Variants in LYPLA1 observed in about 807,000 individuals in gnomAD.
LYPLA1 encodes lysophospholipase 1, also known as acyl-protein thioesterase 1.
Under a neutral mutation model 34.0 loss-of-function variants are expected in LYPLA1, and 17 were observed. The ratio of observed to expected loss-of-function variants is 0.50; its 90% CI spans 0.34 to 0.75. The LOEUF is 0.75. LYPLA1 is among the 30% of genes least tolerant of loss of function. The probability of loss-of-function intolerance (pLI) is 0.01; values close to 1 mark genes in which losing one functional copy is unlikely to be tolerated. For synonymous variants in LYPLA1, 98 were observed against 100.8 expected, an observed-to-expected ratio of 0.97 and a Z score of 0.17; for missense variants, 203 against 288.8, an observed-to-expected ratio of 0.70 and a Z score of 2.15.
chr8:54,068,352 T>C (rs1455869945), intron 2 of LYPLA1, among the ~76,000 whole-genome samples: 1 of 152,160 alleles, frequency 6.6e-6, no homozygotes, highest in Non-Finnish European at 1.5e-5. Context: ...ACTTTGCACA[T>C]ATTAGAACCC....
rs373529521 is a variant in LYPLA1 at position 54,090,898 on chromosome 8, G to A, written c.101+10010C>T. ...AGTTTTATAAGGGGCCTCCCCCTTC[G>A]CTCAGCTCTCATTTCTCTCTCCTGC... is the stretch of plus-strand genomic sequence containing the variant. On this transcript the variant is annotated intron_variant, in intron 2 of 8. Coordinates refer to ENST00000316963, the MANE Select transcript of LYPLA1 (RefSeq NM_006330.4). Among the ~76,000 whole-genome samples, 31 of 152,118 alleles carry A rather than the reference G, an allele frequency of 2.0e-4. 1 individual carries two copies. Among genetic ancestry groups the A allele is most frequent in the Admixed American group, 9.2e-4 (14 of 15,268 alleles).
At chr8:54,062,807 C>T (rs528683377) in intron 4 of LYPLA1, among the ~76,000 whole-genome samples, 96 of 152,256 alleles carry the variant, frequency 6.3e-4, no homozygotes, top group African/African-American at 2.2e-3. Context: ...CCACCATGCC[C>T]GGCTAAAGTC....
chr8:54,063,295 A>G (rs1214840539), intron 4 of LYPLA1, 33 bp downstream of exon 4: 15 of 1,280,258 alleles, frequency 1.2e-5, no homozygotes, highest in Non-Finnish European at 1.6e-5. Context: ...AAGTAATATA[A>G]TGTTCTTATT....
At position 54,087,911 on chromosome 8, in the gene LYPLA1, A is replaced by C. The variant is rs976521610; in HGVS notation, c.101+12997T>G. On this transcript the variant is annotated intron_variant, in intron 2 of 8. Coordinates refer to ENST00000316963, the MANE Select transcript of LYPLA1 (RefSeq NM_006330.4). ...GAACAAAGGAGACAGAGTCATTTATAATCTGACAAGTCCACCCTACTGCTG... is the reference window on the plus strand; with the variant it reads ...GAACAAAGGAGACAGAGTCATTTATCATCTGACAAGTCCACCCTACTGCTG... Among the ~76,000 whole-genome samples the C allele has an allele frequency of 3.9e-5, 6 of 152,356 alleles. No individual in the cohort carries two copies. In the East Asian group the frequency reaches 1.2e-3, roughly 29 times the overall value.
chr8:54,076,003 C>T (rs932519410), intron 2 of LYPLA1, among the ~76,000 whole-genome samples: 2 of 152,170 alleles, frequency 1.3e-5, no homozygotes, highest in African/African-American at 4.8e-5. Context: ...TTCAGGTGAT[C>T]TGAACAAAAC....
chr8:54,079,737 G>A (rs1007047592), intron 2 of LYPLA1, among the ~76,000 whole-genome samples: 18 of 152,164 alleles, frequency 1.2e-4, no homozygotes, highest in African/African-American at 4.3e-4. Flanking sequence ...GGAGGGTGCG[G>A]TAAACGGAGA....
At chr8:54,090,752 G>A (rs964826078) in intron 2 of LYPLA1, among the ~76,000 whole-genome samples, 1 of 152,168 alleles carries the variant, frequency 6.6e-6, no homozygotes, top group African/African-American at 2.4e-5. Flanking sequence ...TGCATTGCGG[G>A]CTGCTGGCCA....
chr8:54,084,792 G>C (rs1331548050), intron 2 of LYPLA1, among the ~76,000 whole-genome samples: 1 of 152,152 alleles, frequency 6.6e-6, no homozygotes, highest in African/African-American at 2.4e-5. Flanking sequence ...AGATAACCTA[G>C]ACTAAATAGA....
chr8:54,097,867 T>A (rs1028934230), intron 2 of LYPLA1, among the ~76,000 whole-genome samples: 1 of 152,228 alleles, frequency 6.6e-6, no homozygotes, highest in Non-Finnish European at 1.5e-5. Flanking sequence ...TATAACAATA[T>A]GACAACATCA....
intron 5 of LYPLA1, among the ~76,000 whole-genome samples, chr8:54,058,417 G>A (rs1488917617): frequency 6.6e-6 from 1 of 152,078 alleles, no homozygotes; most frequent in East Asian, 1.9e-4. Flanking sequence ...GGTGGCACAG[G>A]CCTGTAGTCC....
intron 2 of LYPLA1, chr8:54,073,189 C>G: frequency 1.3e-6 from 1 of 765,416 alleles, no homozygotes; most frequent in Non-Finnish European, 2.4e-6. Flanking sequence ...AATTCATCCT[C>G]GGTCTTCCCA....
At chr8:54,054,391 T>C (rs1395592377) in intron 6 of LYPLA1, 1 of 152,444 alleles carries the variant, frequency 6.6e-6, no homozygotes, top group Non-Finnish European at 1.5e-5. Flanking sequence ...CACTATATTG[T>C]ATCAACAAAT....
chr8:54,085,325 T>C (rs1368677549), intron 2 of LYPLA1, among the ~76,000 whole-genome samples: 1 of 152,204 alleles, frequency 6.6e-6, no homozygotes, highest in Non-Finnish European at 1.5e-5. Flanking sequence ...TGGCGTGATC[T>C]CGGCTCACTA....
intron 2 of LYPLA1, among the ~76,000 whole-genome samples, chr8:54,081,618 T>C (rs1808326658): frequency 6.6e-6 from 1 of 151,972 alleles, no homozygotes; most frequent in African/African-American, 2.4e-5. Flanking sequence ...GGTTTCACCA[T>C]GCTGGTCAGG....
intron 2 of LYPLA1, among the ~76,000 whole-genome samples, chr8:54,091,578 A>AG (rs1809273229): frequency 1.6e-5 from 2 of 124,228 alleles, no homozygotes; most frequent in African/African-American, 6.6e-5. Context: ...AAAGAAAGAA[A>AG]GAAAAGGAAG....
intron 2 of LYPLA1, among the ~76,000 whole-genome samples, chr8:54,083,056 G>A (rs747305203): frequency 2.6e-5 from 4 of 152,062 alleles, no homozygotes; most frequent in African/African-American, 4.8e-5. Context: ...ATGAATGTTC[G>A]CAGACATCAT....
chr8:54,088,404 G>A (rs1168670008), intron 2 of LYPLA1, among the ~76,000 whole-genome samples: 3 of 152,112 alleles, frequency 2.0e-5, no homozygotes, highest in Admixed American at 6.5e-5. Flanking sequence ...ATCACAATGC[G>A]ACACCACTTC....
intron 8 of LYPLA1, among the ~76,000 whole-genome samples, chr8:54,049,846 G>GC (rs1291695506): frequency 3.3e-5 from 5 of 152,008 alleles, no homozygotes; most frequent in African/African-American, 1.2e-4. Flanking sequence ...ACAATCCTTT[G>GC]CATTTTGGCT....
intron 2 of LYPLA1, among the ~76,000 whole-genome samples, chr8:54,080,518 G>A (rs1019415576): frequency 9.2e-5 from 14 of 152,122 alleles, no homozygotes; most frequent in African/African-American, 2.4e-4. Flanking sequence ...TTACACTTAC[G>A]AAGTATATTG....
Sources: gnomAD v4.1 joint callset for allele counts (sites outside exome capture counted in the v4.1 genomes callset) on GRCh38, gnomAD v4.1.1 for gene constraint, MANE v1.5 for transcripts, NCBI Gene and HGNC (gene_info 2026-07-23, HGNC 2026-07-21) for gene names.